Variants in NPIPB2 observed in about 807,000 individuals in gnomAD.
The protein encoded by NPIPB2 is nuclear pore complex-interacting protein family member B2.
A neutral mutation model predicts 30.8 loss-of-function variants in NPIPB2; 27 were observed. The ratio of observed to expected loss-of-function variants is 0.88; its 90% confidence interval spans 0.65 to 1.21. The LOEUF is 1.21. NPIPB2 is among the 50% of genes most tolerant of loss of function. The pLI, the probability that NPIPB2 is intolerant of heterozygous loss-of-function variation, is 0.00. For missense variants in NPIPB2, 440 were observed against 446.2 expected (o/e 0.99, Z 0.13); for synonymous variants, 147 against 162.0 (o/e 0.91, Z 0.70).
intron 1 of NPIPB2, among the ~76,000 whole-genome samples, chr16:11,948,310 G>A (rs1345424595): frequency 6.6e-6 from 1 of 152,054 alleles, no homozygotes; most frequent in East Asian, 1.9e-4. Flanking sequence ...AGCACCAATG[G>A]CTGCCGATAC....
At position 11,947,060 on chromosome 16, in the gene NPIPB2, G is replaced by A. The variant is rs1175387681; in HGVS notation, c.-583-4946C>T. Among the ~76,000 whole-genome samples the A allele has an allele frequency of 1.2e-4, 8 of 65,266 alleles. No individual in the cohort carries two copies. The East Asian group carries it at 3.8e-3, about 31-fold the overall frequency. The allele number at this position is 65,266 out of a possible 152,430, so 42.8% of individuals were successfully genotyped here. ...TTGAATTATATATATATATATATAT[G>A]GTATATATATAAACATATATATAAT... On this transcript the variant is annotated intron_variant, in intron 1 of 5. Transcript: ENST00000538896.
intron 1 of NPIPB2, among the ~76,000 whole-genome samples, chr16:11,966,681 G>T (rs1030038182): frequency 6.6e-6 from 1 of 152,154 alleles, no homozygotes; most frequent in Admixed American, 6.6e-5. Context: ...AGCCAGGTCT[G>T]CTACTGTCAG....
intron 1 of NPIPB2, among the ~76,000 whole-genome samples, chr16:11,960,853 A>ATTTTTTTTTCTTTCTTTTCTT (rs2055148033): frequency 1.4e-5 from 2 of 147,098 alleles, no homozygotes; most frequent in Non-Finnish European, 3.0e-5. Context: ...GTTATGGGAG[A>ATTTTTTTTTCTTTCTTTTCTT]TTTTTTTTTC....
intron 4 of NPIPB2, 70 bp from the exon 5 acceptor site, chr16:11,930,621 T>TGCCAGAAG: frequency 9.2e-7 from 1 of 1,092,316 alleles, no homozygotes; most frequent in Non-Finnish European, 1.3e-6. Context: ...TCTGCCCTTC[T>TGCCAGAAG]GGCATCTGAA....
At chr16:11,945,499 C>T (rs1033607097), upstream of NPIPB2, among the ~76,000 whole-genome samples, 9 of 151,792 alleles carry the variant, frequency 5.9e-5, no homozygotes, top group African/African-American at 1.9e-4. Context: ...GAAGGTAAAA[C>T]CCCCATCTCT....
upstream of NPIPB2, among the ~76,000 whole-genome samples, chr16:11,942,864 C>T (rs2054957770): frequency 6.6e-6 from 1 of 152,162 alleles, no homozygotes; most frequent in Admixed American, 6.6e-5. Flanking sequence ...TGTGCCCAAA[C>T]TCACTCAGGC....
rs149895572 is a variant in NPIPB2 at position 11,975,907 on chromosome 16, T to C, written c.-584+661A>G. 2.0e-4 allele frequency among the ~76,000 whole-genome samples: 31 copies of C among 151,764 alleles called. 1 individual carries two copies. The East Asian group carries it at 5.1e-3, about 25-fold the overall frequency. ...CCGCGTCCGGCCTAGGAGCCATATCTTAAAACCTAATTCAGATCGTATCAC... is the reference window on the plus strand; with the variant it reads ...CCGCGTCCGGCCTAGGAGCCATATCCTAAAACCTAATTCAGATCGTATCAC... On this transcript the variant is annotated intron_variant, in intron 1 of 5. Coordinates refer to the NPIPB2 transcript ENST00000538896.
chr16:11,931,773 C>G (rs1295847431), intron 4 of NPIPB2, among the ~76,000 whole-genome samples: 1 of 148,708 alleles, frequency 6.7e-6, no homozygotes, highest in Admixed American at 6.8e-5. Context: ...ATGGGGGACA[C>G]CAAACAGAAT....
chr16:11,942,201 C>A, upstream of NPIPB2: 1 of 847,806 alleles, frequency 1.2e-6, no homozygotes, highest in South Asian at 1.8e-5. Context: ...TTTGTTCCAG[C>A]AAATCTCAAT....
At chr16:11,957,111 G>A (rs1024026307) in intron 1 of NPIPB2, among the ~76,000 whole-genome samples, 1 of 151,716 alleles carries the variant, frequency 6.6e-6, no homozygotes, top group South Asian at 2.1e-4. Context: ...TCCTGCCTCA[G>A]CCTCCAAGTG....
chr16:11,962,197 TAAAA>T (rs34733614), intron 1 of NPIPB2, among the ~76,000 whole-genome samples: 1 of 95,732 alleles, frequency 1.0e-5, no homozygotes, highest in Admixed American at 1.3e-4. Flanking sequence ...CACCCTGTCT[TAAAA>T]AAAAAAAAAA....
chr16:11,973,107 G>C (rs568182954), intron 1 of NPIPB2, among the ~76,000 whole-genome samples: 1 of 150,224 alleles, frequency 6.7e-6, no homozygotes, highest in Non-Finnish European at 1.5e-5. Flanking sequence ...CAGAAGTTGC[G>C]GTGAGCCGAG....
At chr16:11,931,999 A>C (rs1381112414) in intron 4 of NPIPB2, among the ~76,000 whole-genome samples, 4 of 150,790 alleles carry the variant, frequency 2.7e-5, no homozygotes, top group African/African-American at 9.7e-5. Flanking sequence ...AAACAAGTGG[A>C]TTGAGGGTCT....
exon 8 of NPIPB2, chr16:11,927,554 G>C: frequency 1.2e-6 from 2 of 1,605,874 alleles, no homozygotes; most frequent in Non-Finnish European, 1.7e-6. Flanking sequence ...CCACCTCTTG[G>C]GTTTGGGTGG....
intron 1 of NPIPB2, among the ~76,000 whole-genome samples, chr16:11,968,248 G>C (rs1418859335): frequency 6.6e-6 from 1 of 152,036 alleles, no homozygotes; most frequent in African/African-American, 2.4e-5. Context: ...AGGCCGAGGC[G>C]GGCAGATTAC....
At chr16:11,968,080 T>G (rs1039816187) in intron 1 of NPIPB2, 1 of 506,336 alleles carries the variant, frequency 2.0e-6, no homozygotes, top group East Asian at 3.6e-5. Context: ...ATCTAAGTTT[T>G]TATTAACGTG....
chr16:11,941,159 G>A (rs923787379), intron 1 of NPIPB2: 23 of 1,503,240 alleles, frequency 1.5e-5, no homozygotes, highest in African/African-American at 7.5e-5. Flanking sequence ...CGGGTCCAGC[G>A]TCTACTCACA....
chr16:11,966,977 CATTTATTT>C (rs36230512), intron 1 of NPIPB2: 72,312 of 161,246 alleles, frequency 0.45, 17,421 homozygotes, highest in East Asian at 0.72. Context: ...TTTCTGTATG[CATTTATTT>C]ATTTATTTAT....
At chr16:11,931,448 G>A (rs990070529) in intron 4 of NPIPB2, among the ~76,000 whole-genome samples, 257 of 148,890 alleles carry the variant, frequency 1.7e-3, no homozygotes, top group African/African-American at 5.8e-3. Context: ...GGAAACAGGG[G>A]CGAAAACACT....
Sources: allele counts gnomAD v4.1 joint callset (sites outside exome capture counted in the v4.1 genomes callset), GRCh38; gene constraint gnomAD v4.1.1; transcripts MANE v1.5; gene names NCBI Gene and HGNC (gene_info 2026-07-23, HGNC 2026-07-21).